Variants in HDAC4 observed in about 807,000 individuals in gnomAD.
The protein encoded by HDAC4 is histone deacetylase A.
Under a neutral mutation model 135.1 loss-of-function variants are expected in HDAC4, and 16 were observed. That is an observed-to-expected ratio of 0.12 (90% CI 0.08 to 0.18). The LOEUF (loss-of-function observed/expected upper bound fraction) is 0.18. Ranked by LOEUF, HDAC4 falls within the 10% of genes least tolerant of loss-of-function variation. HDAC4 has a pLI of 1.00. For missense variants in HDAC4, 1,143 were observed against 1,511.8 expected, an observed-to-expected ratio of 0.76 and a Z score of 4.05; for synonymous variants, 685 against 653.4, an observed-to-expected ratio of 1.05 and a Z score of -0.74.
At chr2:239,283,920 G>A (rs1559326585) in intron 2 of HDAC4, among the ~76,000 whole-genome samples, 1 of 152,234 alleles carries the variant, frequency 6.6e-6, no homozygotes, top group Non-Finnish European at 1.5e-5. Flanking sequence ...GAGAAGTGGA[G>A]AGCAGTTCCA....
Position 239,068,684 on chromosome 2 carries a change from C to G in HDAC4, c.2751-77G>C. On this transcript the variant is annotated intron_variant, in intron 22 of 26. Coordinates refer to ENST00000543185, the MANE Select transcript of HDAC4 (RefSeq NM_001378414.1). The surrounding 1 kb of genome is among the most constrained non-coding windows in gnomAD (Gnocchi z 4.4). Reference sequence around the variant, plus strand: ...CGGTCACAAAACCCCAAGGTTCCCTCTGGCATTGATAATGCCTGCCCCGCA... The same window carrying G: ...CGGTCACAAAACCCCAAGGTTCCCTGTGGCATTGATAATGCCTGCCCCGCA... 4 of 1,287,486 alleles carry G rather than the reference C, an allele frequency of 3.1e-6. No individual in the cohort carries two copies. Among genetic ancestry groups the G allele is most frequent in the Non-Finnish European group, 4.5e-6 (4 of 883,636 alleles). 79.8% of individuals were successfully genotyped at this position (1,287,486 alleles called of 1,614,324 possible).
chr2:239,237,995 T>C lies in HDAC4; in HGVS notation c.23-1331A>G, dbSNP rs561043042. Among the ~76,000 whole-genome samples the C allele has an allele frequency of 7.9e-5, 12 of 152,276 alleles. No individual in the cohort carries two copies. The East Asian group carries it at 1.2e-3, about 15-fold the overall frequency. On this transcript the variant is annotated intron_variant, in intron 2 of 26. Coordinates refer to ENST00000543185, the MANE Select transcript of HDAC4 (RefSeq NM_001378414.1). ...GGTCAGGAGAAAGACCGGCAGGTCA[T>C]AGTTACACCTTAGAAGCAACCACCA...
At chr2:239,061,790 C>T (rs2032780824) in intron 24 of HDAC4, among the ~76,000 whole-genome samples, 1 of 152,226 alleles carries the variant, frequency 6.6e-6, no homozygotes, top group South Asian at 2.1e-4. Context: ...CGGGGGAAAA[C>T]CTTTTCCACA....
intron 4 of HDAC4, among the ~76,000 whole-genome samples, chr2:239,184,415 T>TGG (rs1441591648): frequency 8.0e-6 from 1 of 125,506 alleles, no homozygotes; most frequent in South Asian, 2.8e-4. Context: ...CTGTGCCCTA[T>TGG]GGGGGGGTCC....
chr2:239,270,466 A>T (rs555424754), intron 2 of HDAC4, among the ~76,000 whole-genome samples: 2 of 152,354 alleles, frequency 1.3e-5, no homozygotes, highest in Non-Finnish European at 2.9e-5. Flanking sequence ...GGAAGACTTT[A>T]AAATGAGATA....
intron 22 of HDAC4, among the ~76,000 whole-genome samples, chr2:239,078,409 GC>G (rs201545744): frequency 4.1e-5 from 6 of 148,042 alleles, no homozygotes; most frequent in Non-Finnish European, 9.0e-5. Flanking sequence ...TCCCCGGGGG[GC>G]CCCCGTGGGG....
intron 12 of HDAC4, among the ~76,000 whole-genome samples, chr2:239,119,218 A>G (rs926885715): frequency 1.3e-5 from 2 of 152,194 alleles, no homozygotes; most frequent in Non-Finnish European, 2.9e-5. Flanking sequence ...CACTCGGTGC[A>G]CCGGAGGGAG....
At chr2:239,124,831 T>C (rs62190763) in intron 12 of HDAC4, among the ~76,000 whole-genome samples, 517 of 19,194 alleles carry the variant, frequency 0.027, no homozygotes, top group Admixed American at 0.036. Context: ...TCCGGTGTGC[T>C]GGCGTGCGGC....
chr2:239,093,969 G>C (rs775541345), intron 17 of HDAC4: 1 of 985,194 alleles, frequency 1.0e-6, no homozygotes, highest in African/African-American at 1.7e-5. Flanking sequence ...TCTTTCTGAC[G>C]GGATAATTTT....
chr2:239,223,309 AG>A lies in HDAC4; in HGVS notation c.94+13283del, dbSNP rs1203228796. 7.2e-5 allele frequency among the ~76,000 whole-genome samples: 11 copies of A among 152,372 alleles called. 1 individual carries two copies. Among genetic ancestry groups the A allele is most frequent in the Admixed American group, 7.2e-4 (11 of 15,312 alleles). On this transcript the variant is annotated intron_variant, in intron 3 of 26. Transcript: ENST00000543185. ...ACCAAGGACGAGGCCTGAAGGAGGT[AG>A]CCCCTCTCTCTGGGGCGAGCCGGCC...
chr2:239,114,939 A>G (rs2038997902), intron 13 of HDAC4, 114 bp downstream of exon 13: 2 of 1,269,716 alleles, frequency 1.6e-6, no homozygotes, highest in Non-Finnish European at 2.2e-6. Context: ...GACACTGGAC[A>G]GTGACCGCGC....
At chr2:239,216,896 C>T (rs1021703092) in intron 3 of HDAC4, among the ~76,000 whole-genome samples, 1 of 152,214 alleles carries the variant, frequency 6.6e-6, no homozygotes, top group African/African-American at 2.4e-5. Context: ...TAAGCTACCT[C>T]GAACTATTCT....
intron 6 of HDAC4, among the ~76,000 whole-genome samples, chr2:239,161,544 ATGATGT>A (rs1358333210): frequency 6.6e-6 from 1 of 152,082 alleles, no homozygotes; most frequent in African/African-American, 2.4e-5. Flanking sequence ...CCACCACTCC[ATGATGT>A]TTAAGTTCAG....
chr2:239,341,877 T>C (rs1692319366), intron 2 of HDAC4, among the ~76,000 whole-genome samples: 1 of 152,174 alleles, frequency 6.6e-6, no homozygotes, highest in Admixed American at 6.5e-5. Flanking sequence ...TATTAAGAAG[T>C]GGGGCCTCTG....
intron 3 of HDAC4, among the ~76,000 whole-genome samples, chr2:239,211,045 T>C (rs1275737188): frequency 1.3e-5 from 2 of 152,188 alleles, no homozygotes; most frequent in East Asian, 3.8e-4. Flanking sequence ...TGGACAGTAT[T>C]TGAAAGGCTG....
chr2:239,328,396 A>T (rs1464057842), intron 2 of HDAC4, among the ~76,000 whole-genome samples: 1 of 152,268 alleles, frequency 6.6e-6, no homozygotes, highest in African/African-American at 2.4e-5. Flanking sequence ...TGTGAGCAAC[A>T]GGAAGCATTC....
chr2:239,180,219 C>G (rs1026553905), intron 4 of HDAC4, among the ~76,000 whole-genome samples: 1 of 152,158 alleles, frequency 6.6e-6, no homozygotes, highest in Non-Finnish European at 1.5e-5. Flanking sequence ...GCTCAGCCCC[C>G]GGGCACCCAG....
intron 2 of HDAC4, among the ~76,000 whole-genome samples, chr2:239,266,531 C>T (rs183575238): frequency 1.3e-5 from 2 of 152,324 alleles, no homozygotes; most frequent in Admixed American, 1.3e-4. Context: ...TACATACCAG[C>T]TGTCCCGAGG....
At chr2:239,269,878 G>A (rs1365055187) in intron 2 of HDAC4, among the ~76,000 whole-genome samples, 2 of 152,178 alleles carry the variant, frequency 1.3e-5, no homozygotes, top group Non-Finnish European at 2.9e-5. Context: ...TGGTTCTTAC[G>A]ACCCAAGGCT....
Sources: gnomAD v4.1 joint callset for allele counts (sites outside exome capture counted in the v4.1 genomes callset) on GRCh38, gnomAD v4.1.1 for gene constraint, Gnocchi (gnomAD v3.1) non-coding constraint, MANE v1.5 for transcripts, NCBI Gene and HGNC (gene_info 2026-07-23, HGNC 2026-07-21) for gene names.